Variants in RGS12 observed in about 807,000 individuals in gnomAD.
RGS12 encodes regulator of G-protein signaling 12.
A neutral mutation model predicts 120.1 loss-of-function variants in RGS12; 66 were observed. That is an observed-to-expected ratio of 0.55 (90% CI 0.45 to 0.67). The LOEUF (loss-of-function observed/expected upper bound fraction) is 0.67, where lower values mean the gene tolerates loss of function less well. Ranked by LOEUF, RGS12 falls within the 30% of genes least tolerant of loss-of-function variation. RGS12 has a pLI of 0.00. For missense variants in RGS12, 1,859 were observed against 1,957.7 expected, an observed-to-expected ratio of 0.95 and a Z score of 0.95; for synonymous variants, 827 against 804.7, an observed-to-expected ratio of 1.03 and a Z score of -0.47.
intron 2 of RGS12, among the ~76,000 whole-genome samples, chr4:3,333,751 T>C (rs945123551): frequency 1.3e-5 from 2 of 152,234 alleles, no homozygotes; most frequent in African/African-American, 4.8e-5. Flanking sequence ...CTTTCTGTCT[T>C]CTAGGGCAGG....
intron 1 of RGS12, among the ~76,000 whole-genome samples, chr4:3,308,087 C>T (rs1314024114): frequency 6.6e-6 from 1 of 152,198 alleles, no homozygotes. Flanking sequence ...GTCAGGTGTG[C>T]GGGCAGCTCT....
the RGS12 span, among the ~76,000 whole-genome samples, chr4:3,286,213 G>T: frequency 6.6e-6 from 1 of 152,222 alleles, no homozygotes. Context: ...GATGCTTAGA[G>T]CCAGGAGAGG....
At position 3,428,568 on chromosome 4, in the gene RGS12, G is replaced by T. The variant is rs767127203; in HGVS notation, c.3422G>T (p.Arg1141Ile). Residue 1141 changes from arginine (R) to isoleucine (I), a missense_variant, in exon 16 of 18, where the codon AGA becomes ATA. Transcript: ENST00000336727. ...SRNHSATGEE[R>I]TLGKSNSIKI... ...TTCCTTCTAATGCAGGGAGAGGAAA[G>T]AACACTAGGCAAGTCTAATTCTATT... The T allele has an allele frequency of 1.3e-6, 2 of 1,585,166 alleles. No individual in the cohort carries two copies. Among genetic ancestry groups the T allele is most frequent in the Non-Finnish European group, 1.7e-6 (2 of 1,171,396 alleles).
intron 1 of RGS12, among the ~76,000 whole-genome samples, chr4:3,302,871 A>G (rs1311149175): frequency 6.6e-6 from 1 of 151,902 alleles, no homozygotes; most frequent in Non-Finnish European, 1.5e-5. Context: ...TGATTTTTGC[A>G]AATGGTGTCC....
chr4:3,362,864 C>T (rs1051535386), intron 3 of RGS12, among the ~76,000 whole-genome samples: 9 of 111,736 alleles, frequency 8.1e-5, no homozygotes, highest in South Asian at 3.4e-4. Context: ...TGTGTGTGTG[C>T]GAGGGTGTGT....
At chr4:3,370,333 C>A (rs769028914) in intron 3 of RGS12, 1 of 1,613,354 alleles carries the variant, frequency 6.2e-7, no homozygotes, top group Admixed American at 1.7e-5. Flanking sequence ...TAAGTAGTTC[C>A]GGCTTTTTCT....
chr4:3,317,927 TG>T lies in RGS12; in HGVS notation c.1759del (p.Glu587ArgfsTer9). On this transcript the variant is annotated frameshift_variant, in exon 2 of 18. Coordinates refer to ENST00000336727, the MANE Select transcript of RGS12 (RefSeq NM_001394154.1). LOFTEE classifies it high-confidence loss of function. ...MSKIPADRYRVEGSFAQPPLN... is the reference protein window; with the variant it reads ...MSKIPADRYRXEGSFAQPPLN... ...AAGATCCCCGCAGACCGCTACAGGG[TG>T]GAGGGCAGCTTCGCGCAGCCCCCGC... is the stretch of plus-strand genomic sequence containing the variant. 1 of 1,614,096 alleles carries T rather than the reference TG, an allele frequency of 6.2e-7. No homozygotes were observed. The highest frequency in any genetic ancestry group is 8.5e-7 in the Non-Finnish European group (1 of 1,180,022).
intron 3 of RGS12, 145 bp from the exon 4 acceptor site, chr4:3,386,271 T>A: frequency 2.6e-6 from 2 of 756,722 alleles, no homozygotes; most frequent in Non-Finnish European, 4.6e-6. Context: ...TTGGGCCGTC[T>A]GGCTTTCCCG....
At chr4:3,429,160 GCT>G in intron 16 of RGS12, among the ~76,000 whole-genome samples, 1 of 152,320 alleles carries the variant, frequency 6.6e-6, no homozygotes, top group Non-Finnish European at 1.5e-5. Flanking sequence ...GGCTTGCTGA[GCT>G]CTCTTGGCTG....
intron 2 of RGS12, among the ~76,000 whole-genome samples, chr4:3,340,151 G>A (rs995968049): frequency 1.3e-5 from 2 of 152,228 alleles, no homozygotes; most frequent in African/African-American, 2.4e-5. Flanking sequence ...TGTGGCCTCC[G>A]TGTCGTGTGT....
intron 3 of RGS12, among the ~76,000 whole-genome samples, chr4:3,355,693 G>T (rs1714811585): frequency 6.7e-6 from 1 of 150,158 alleles, no homozygotes; most frequent in South Asian, 2.1e-4. Context: ...TGCTTGTGGG[G>T]CTGAGGTGGG....
At position 3,374,819 on chromosome 4, in the gene RGS12, C is replaced by T. The variant is rs577450351; in HGVS notation, c.1999-11597C>T. On this transcript the variant is annotated intron_variant, in intron 3 of 17. Coordinates refer to ENST00000336727, the MANE Select transcript of RGS12 (RefSeq NM_001394154.1). The surrounding 1 kb of genome is among the most constrained non-coding windows in gnomAD (Gnocchi z 6.3). ...TCCATGCACCTGCCAGAGTGAGCAG[C>T]GCCATCCTAGCCGCCCCTGCTCTTT... Among the ~76,000 whole-genome samples, 2 of 152,270 alleles carry T rather than the reference C, an allele frequency of 1.3e-5. No individual in the cohort carries two copies. The highest frequency in any genetic ancestry group is 4.8e-5 in the African/African-American group (2 of 41,572).
chr4:3,373,002 G>A (rs1194240941), intron 3 of RGS12, among the ~76,000 whole-genome samples: 2 of 152,236 alleles, frequency 1.3e-5, no homozygotes, highest in African/African-American at 4.8e-5. Context: ...AGCTGGTGCA[G>A]TCTGCGGCCC....
At chr4:3,334,893 A>T (rs1712275359) in intron 2 of RGS12, among the ~76,000 whole-genome samples, 2 of 152,058 alleles carry the variant, frequency 1.3e-5, no homozygotes, top group African/African-American at 4.8e-5. Context: ...TGGCTCTGGG[A>T]TATTACTGCA....
chr4:3,425,570 G>A lies in RGS12; in HGVS notation c.3331+10G>A. 1.2e-6 allele frequency: 2 copies of A among 1,603,706 alleles called. No individual in the cohort carries two copies. Among genetic ancestry groups the A allele is most frequent in the Middle Eastern group, 1.7e-4 (1 of 6,050 alleles). On this transcript the variant is annotated intron_variant, in intron 14 of 17. Transcript: ENST00000336727. ...CCTTCCAGAGGAAAGGGTGAGTAGGGCTGGTGCAGCGGATGGGGAGAGGGT... is the reference window on the plus strand; with the variant it reads ...CCTTCCAGAGGAAAGGGTGAGTAGGACTGGTGCAGCGGATGGGGAGAGGGT...
At chr4:3,409,941 A>G (rs1320029086) in intron 4 of RGS12, among the ~76,000 whole-genome samples, 1 of 152,184 alleles carries the variant, frequency 6.6e-6, no homozygotes, top group African/African-American at 2.4e-5. Context: ...ACTGTCCCCC[A>G]GGGTGAACTT....
rs145406320 is a variant in RGS12, at chr4:3,333,405, C to T, written c.1882-9532C>T. On this transcript the variant is annotated intron_variant, in intron 2 of 17. Coordinates refer to ENST00000336727, the MANE Select transcript of RGS12 (RefSeq NM_001394154.1). ...CTCCCGCCTTGGCCTCCCAAAGTGC[C>T]GGGATTACAGGCGTGAGCCACTGCA... Among the ~76,000 whole-genome samples, 98 of 152,056 alleles carry T rather than the reference C, an allele frequency of 6.4e-4. 1 individual carries two copies. The highest frequency in any genetic ancestry group is 3.4e-3 in the Middle Eastern group (1 of 292).
At chr4:3,313,635 G>A (rs1724553511) in intron 1 of RGS12, among the ~76,000 whole-genome samples, 1 of 152,208 alleles carries the variant, frequency 6.6e-6, no homozygotes. Context: ...GTGTGGCAGA[G>A]CTGGTTCCTC....
rs1717424448 is a variant in RGS12 at position 3,374,538 on chromosome 4, A to G, written c.1999-11878A>G. 6.6e-6 allele frequency among the ~76,000 whole-genome samples: 1 copy of G among 151,942 alleles called. No individual in the cohort carries two copies. The highest frequency in any genetic ancestry group is 2.1e-4 in the South Asian group (1 of 4,816). ...GACATCCAGGAGGCCCCTCAGACTT[A>G]AGTACCAAACAAGACTTGGATTCTC... On this transcript the variant is annotated intron_variant, in intron 3 of 17. Coordinates refer to ENST00000336727, the MANE Select transcript of RGS12 (RefSeq NM_001394154.1). The surrounding 1 kb of genome is among the most constrained non-coding windows in gnomAD (Gnocchi z 6.3).
Sources: gnomAD v4.1 joint callset for allele counts (sites outside exome capture counted in the v4.1 genomes callset) on GRCh38, gnomAD v4.1.1 for gene constraint, Gnocchi (gnomAD v3.1) non-coding constraint, MANE v1.5 for transcripts, NCBI Gene and HGNC (gene_info 2026-07-23, HGNC 2026-07-21) for gene names.